The following DNAH17 variants were observed in gnomAD, a reference collection of about 807,000 sequenced individuals.
DNAH17 encodes dynein axonemal heavy chain 17.
DNAH17 carries 376 observed loss-of-function variants against 485.6 expected under a neutral mutation model. The ratio of observed to expected loss-of-function variants is 0.77; its 90% CI spans 0.71 to 0.84. The LOEUF is 0.84. Among genes scored for constraint, DNAH17 ranks in the 40% least tolerant of loss-of-function variants. DNAH17 has a pLI of 0.00. For missense variants in DNAH17, 6,370 were observed against 5,839.3 expected, an observed-to-expected ratio of 1.09 and a Z score of -2.96; for synonymous variants, 3,031 against 2,405.9, an observed-to-expected ratio of 1.26 and a Z score of -7.60.
At chr17:78,449,677 C>T (rs2087463782) in intron 68 of DNAH17, 93 bp from the exon 69 acceptor site, 2 of 1,321,672 alleles carry the variant, frequency 1.5e-6, no homozygotes, top group Admixed American at 4.7e-5. Flanking sequence ...TGGTGGCCTC[C>T]AGTTTGTTTT....
Position 78,477,908 on chromosome 17 carries a change from T to C in DNAH17, c.7992+1117A>G, listed in dbSNP as rs1244114152. Among the ~76,000 whole-genome samples the C allele has an allele frequency of 3.6e-5, 5 of 140,596 alleles. No individual in the cohort carries two copies. In the South Asian group the frequency reaches 9.2e-4, roughly 26 times the overall value. 92.2% of individuals were successfully genotyped at this position (140,596 alleles called of 152,430 possible). A position where few individuals can be genotyped will look rare whatever the true frequency, so the allele number is the denominator to read the frequency against. On this transcript the variant is annotated intron_variant, in intron 51 of 80. Transcript: ENST00000389840. ...TCGCTATCATCACCACCATCATCAT[T>C]ACCACATCACCATCACCACCATCAT...
chr17:78,510,613 G>A, intron 26 of DNAH17, 107 bp from the exon 27 acceptor site: 1 of 1,480,656 alleles, frequency 6.8e-7, no homozygotes, highest in African/African-American at 1.4e-5. Flanking sequence ...ACGATCCCGG[G>A]CTGCTGGAGG....
intron 17 of DNAH17, among the ~76,000 whole-genome samples, chr17:78,542,561 T>C (rs1348246788): frequency 6.6e-6 from 1 of 152,144 alleles, no homozygotes; most frequent in Non-Finnish European, 1.5e-5. Context: ...TACTACCAAG[T>C]GAGGAGGATA....
intron 2 of DNAH17, among the ~76,000 whole-genome samples, chr17:78,573,107 C>T (rs1562099): frequency 0.22 from 33,559 of 151,876 alleles, 4,219 homozygotes; most frequent in East Asian, 0.54. Context: ...GAGGTGTGGC[C>T]GGTCATGGAG....
rs569418034 is a variant in DNAH17, at chr17:78,577,376, G to C, written c.-107C>G. The stretch of plus-strand genomic sequence containing the variant: ...GGAAAGAAAATGGCTCCCTTCCCTC[G>C]AGGGGCTCCAACTGCCACATAACTT... On this transcript the variant is annotated 5_prime_UTR_variant, in exon 1 of 81. Transcript: ENST00000389840. 6.6e-6 allele frequency: 1 copy of C among 152,326 alleles called. No individual in the cohort carries two copies. The highest frequency in any genetic ancestry group is 2.1e-4 in the South Asian group (1 of 4,830). The allele number at this position is 152,326 out of a possible 1,614,324, so 9.4% of individuals were successfully genotyped here.
intron 49 of DNAH17, 83 bp from the exon 50 acceptor site, chr17:78,479,715 C>T (rs2089265487): frequency 1.3e-6 from 2 of 1,573,288 alleles, no homozygotes; most frequent in South Asian, 1.1e-5. Context: ...GGGAGAGTGG[C>T]CCCTGTCCTC....
At chr17:78,517,063 G>A (rs1269654006) in intron 25 of DNAH17, among the ~76,000 whole-genome samples, 3 of 152,184 alleles carry the variant, frequency 2.0e-5, no homozygotes, top group Admixed American at 6.5e-5. Flanking sequence ...TTTTGAGACA[G>A]AGTCTCACTC....
At chr17:78,452,867 G>C (rs2146500335) in intron 65 of DNAH17, among the ~76,000 whole-genome samples, 1 of 152,338 alleles carries the variant, frequency 6.6e-6, no homozygotes, top group Middle Eastern at 3.4e-3. Flanking sequence ...GTGGATGTTA[G>C]GGCTCAGGAG....
chr17:78,444,564 G>A (rs2087200813), intron 71 of DNAH17, 40 bp downstream of exon 71: 2 of 1,516,026 alleles, frequency 1.3e-6, no homozygotes, highest in South Asian at 1.2e-5. Flanking sequence ...ATCAGGCCTG[G>A]GCCTCGGGGG....
At position 78,495,911 on chromosome 17, in the gene DNAH17, C is replaced by T; in HGVS notation, c.5867G>A (p.Arg1956His). ...TTTTAGGTTCTCAGGCAGCTCCGCG[C>T]GTCCGGCGTACCCAGGGTTCATGGT... is the stretch of plus-strand genomic sequence containing the variant. ...FITMNPGYAG[R>H]AELPENLKAL... Residue 1956 changes from arginine to histidine, a missense_variant, in exon 38 of 81, where the codon CGC becomes CAC. Coordinates refer to ENST00000389840, the MANE Select transcript of DNAH17 (RefSeq NM_173628.4). The T allele has an allele frequency of 3.1e-6, 5 of 1,613,892 alleles. No individual in the cohort carries two copies. The highest frequency in any genetic ancestry group is 4.2e-6 in the Non-Finnish European group (5 of 1,179,824).
In DNAH17 at chr17:78,426,600, C is replaced by T. The variant is rs149465472; in HGVS notation, c.12772G>A (p.Gly4258Arg). ...SLKELNLGLK[G>R]ELTITTDVED... is the part of the protein sequence containing the mutation. Reference sequence around the variant, plus strand: ...ACGTCGGTCGTGATGGTCAGTTCTCCCTAGGAGACACACAGATGGGTGTGG... The same window carrying T: ...ACGTCGGTCGTGATGGTCAGTTCTCTCTAGGAGACACACAGATGGGTGTGG... The change falls in exon 79 of 81, where the codon GGA (glycine) becomes AGA (arginine). Residue 4258 changes from glycine (G) to arginine (R), a missense_variant and splice_region_variant. Coordinates refer to ENST00000389840, the MANE Select transcript of DNAH17 (RefSeq NM_173628.4). The T allele has an allele frequency of 7.5e-6, 12 of 1,602,064 alleles. No homozygotes were observed. The highest frequency in any genetic ancestry group is 1.0e-5 in the Non-Finnish European group (12 of 1,173,182).
At chr17:78,517,719 C>G (rs1158372948) in intron 25 of DNAH17, among the ~76,000 whole-genome samples, 8 of 152,208 alleles carry the variant, frequency 5.3e-5, no homozygotes, top group Admixed American at 5.2e-4. Context: ...AAACAAAAAG[C>G]CTGCTGGCAT....
intron 63 of DNAH17, among the ~76,000 whole-genome samples, chr17:78,455,258 G>A (rs1322842149): frequency 6.6e-6 from 1 of 151,854 alleles, no homozygotes; most frequent in Non-Finnish European, 1.5e-5. Flanking sequence ...CATCACGGAA[G>A]TCAAGGTGCC....
At chr17:78,472,252 G>A (rs1488427874) in intron 54 of DNAH17, among the ~76,000 whole-genome samples, 3 of 146,914 alleles carry the variant, frequency 2.0e-5, no homozygotes, top group Non-Finnish European at 1.5e-5. Flanking sequence ...GTAGGGGTGC[G>A]AGGGTTAGGG....
chr17:78,486,443 G>C lies in DNAH17; in HGVS notation c.6882C>G (p.Leu2294=), dbSNP rs768083319. The C allele has an allele frequency of 2.3e-5, 37 of 1,613,546 alleles. No individual in the cohort carries two copies. The East Asian group carries it at 7.3e-4, about 32-fold the overall frequency. ...GGCACGTGGGCAGGTACTTGTCAAA[G>C]AGGATCATCAGGTTGGCCTTCTCCG... ...VQSEKANLMI[L]FDKYLPTCLD... is the part of the protein sequence containing the mutation. Residue 2294 remains leucine, a synonymous_variant, in exon 45 of 81, where the codon CTC becomes CTG. Coordinates refer to ENST00000389840, the MANE Select transcript of DNAH17 (RefSeq NM_173628.4).
Position 78,475,837 on chromosome 17 carries a change from GA to G in DNAH17, c.8155-5del, listed in dbSNP as rs761873259. 3.1e-6 allele frequency: 5 copies of G among 1,595,964 alleles called. No homozygotes were observed. In the South Asian group the frequency reaches 5.7e-5, roughly 18 times the overall value. ...ATAAGAGTTCATCACCAAGATCCTA[GA>G]AAAAGAAAAAAAAAGACGATACTTC... On this transcript the variant is annotated splice_region_variant and splice_polypyrimidine_tract_variant and intron_variant, in intron 52 of 80. Coordinates refer to ENST00000389840, the MANE Select transcript of DNAH17 (RefSeq NM_173628.4).
intron 56 of DNAH17, among the ~76,000 whole-genome samples, chr17:78,465,323 C>T (rs1468185960): frequency 1.3e-5 from 2 of 151,954 alleles, no homozygotes; most frequent in African/African-American, 2.4e-5. Flanking sequence ...CCCAAGGTGC[C>T]GAGATTGCAG....
chr17:78,572,756 G>A lies in DNAH17; in HGVS notation c.484C>T (p.Leu162=), dbSNP rs201774484. 2.2e-4 allele frequency: 350 copies of A among 1,612,980 alleles called. No homozygotes were observed. Among genetic ancestry groups the A allele is most frequent in the Middle Eastern group, 6.6e-4 (4 of 6,084 alleles). ...MSGKIKGKTL[L]PIPEHLGSLD... is the part of the protein sequence containing the mutation. ...CTGCCCAGGTGCTCCGGAATAGGCAGCAAGGTTTTGCCTTTGATCTTGCCA... is the reference window on the plus strand; with the variant it reads ...CTGCCCAGGTGCTCCGGAATAGGCAACAAGGTTTTGCCTTTGATCTTGCCA... Residue 162 remains leucine (L), a synonymous_variant, in exon 3 of 81, where the codon CTG becomes TTG. Coordinates refer to ENST00000389840, the MANE Select transcript of DNAH17 (RefSeq NM_173628.4).
Position 78,494,173 on chromosome 17 carries a change from T to C in DNAH17, c.6271A>G (p.Ile2091Val). ...AGCTCCACGATGCTCTGCTTGATGA[T>C]CTGGGGAGACATGGATGAGGCTGGG... ...PRKRDLNFEK[I>V]IKQSIVELKL... Residue 2091 changes from isoleucine to valine, a missense_variant and splice_region_variant, in exon 41 of 81, where the codon ATC (isoleucine) becomes GTC (valine). Transcript: ENST00000389840. The C allele has an allele frequency of 6.2e-7, 1 of 1,609,750 alleles. No homozygotes were observed. The highest frequency in any genetic ancestry group is 1.1e-5 in the South Asian group (1 of 90,954).
Sources: gnomAD v4.1 joint callset for allele counts (sites outside exome capture counted in the v4.1 genomes callset) on GRCh38, gnomAD v4.1.1 for gene constraint, MANE v1.5 for transcripts, NCBI Gene and HGNC (gene_info 2026-07-23, HGNC 2026-07-21) for gene names.